DDX60: variants seen among roughly 807,000 people sequenced by gnomAD.
DDX60 encodes the protein probable ATP-dependent RNA helicase DDX60.
Under a neutral mutation model 212.8 loss-of-function variants are expected in DDX60, and 165 were observed. The ratio of observed to expected loss-of-function variants is 0.78; its 90% CI spans 0.68 to 0.88. The LOEUF is 0.88. DDX60 is among the 40% of genes least tolerant of loss of function. The pLI is 0.00. For synonymous variants in DDX60, 703 were observed against 685.3 expected (o/e 1.03, Z -0.40); for missense variants, 1,905 against 2,003.9 (o/e 0.95, Z 0.94).
chr4:168,283,138 ACT>A (rs1053127230), intron 13 of DDX60, among the ~76,000 whole-genome samples: 46 of 152,286 alleles, frequency 3.0e-4, no homozygotes, highest in African/African-American at 1.1e-3. Context: ...AAAGATTTTC[ACT>A]GTCATTAATG....
intron 30 of DDX60, among the ~76,000 whole-genome samples, chr4:168,243,503 A>T (rs1733920119): frequency 6.6e-6 from 1 of 152,214 alleles, no homozygotes; most frequent in South Asian, 2.1e-4. Context: ...ATATGAAAAA[A>T]ACTCAACATC....
At chr4:168,242,640 C>T (rs1423109209) in intron 30 of DDX60, among the ~76,000 whole-genome samples, 1 of 152,124 alleles carries the variant, frequency 6.6e-6, no homozygotes, top group African/African-American at 2.4e-5. Flanking sequence ...ATGCCTGTAC[C>T]CCCACTATAT....
chr4:168,274,153 A>G (rs1735226289), intron 16 of DDX60, 70 bp from the exon 17 acceptor site: 2 of 1,576,802 alleles, frequency 1.3e-6, no homozygotes, highest in African/African-American at 2.7e-5. Flanking sequence ...GACAGTATTT[A>G]TAGACTTCCA....
chr4:168,300,521 C>A (rs1442983745), intron 6 of DDX60, among the ~76,000 whole-genome samples: 1 of 150,592 alleles, frequency 6.6e-6, no homozygotes, highest in Non-Finnish European at 1.5e-5. Context: ...ACCTGGGGGA[C>A]GAATTGAGAC....
intron 33 of DDX60, 84 bp from the exon 34 acceptor site, chr4:168,225,760 A>G: frequency 8.0e-7 from 1 of 1,256,052 alleles, no homozygotes; most frequent in Non-Finnish European, 1.1e-6. Context: ...GGTAAAGAAC[A>G]TTGCAATATA....
At chr4:168,255,957 T>C in intron 25 of DDX60, 88 bp from the exon 26 acceptor site, 2 of 1,371,180 alleles carry the variant, frequency 1.5e-6, no homozygotes, top group Non-Finnish European at 1.9e-6. Flanking sequence ...CATCCCGACA[T>C]CTGCCTGTTG....
chr4:168,303,302 CAA>C (rs35768208), intron 5 of DDX60, among the ~76,000 whole-genome samples: 12 of 99,668 alleles, frequency 1.2e-4, no homozygotes, highest in Admixed American at 3.4e-4. Flanking sequence ...ACTCTGTCTC[CAA>C]AAAAAAAAAA....
At chr4:168,244,927 T>A (rs1312084727) in intron 30 of DDX60, among the ~76,000 whole-genome samples, 1 of 152,002 alleles carries the variant, frequency 6.6e-6, no homozygotes, top group African/African-American at 2.4e-5. Flanking sequence ...AATTTAAAAA[T>A]TATAACTTTT....
At chr4:168,224,421 A>G in intron 34 of DDX60, 36 bp from the exon 35 acceptor site, 2 of 1,598,826 alleles carry the variant, frequency 1.3e-6, no homozygotes, top group Non-Finnish European at 1.7e-6. Context: ...TAGTGTTTTG[A>G]ACTCAGTCAA....
intron 29 of DDX60, among the ~76,000 whole-genome samples, chr4:168,247,743 G>T (rs1734071217): frequency 6.6e-6 from 1 of 152,214 alleles, no homozygotes; most frequent in African/African-American, 2.4e-5. Context: ...GGACAGTAAT[G>T]AAGTGGGCTT....
At chr4:168,226,535 T>C (rs1330426230) in intron 33 of DDX60, among the ~76,000 whole-genome samples, 1 of 152,108 alleles carries the variant, frequency 6.6e-6, no homozygotes, top group Admixed American at 6.6e-5. Flanking sequence ...TTTTTTATTT[T>C]TGTGGGTCCA....
At chr4:168,273,224 C>A (rs1735178069) in intron 18 of DDX60, 55 bp downstream of exon 18, 1 of 1,501,812 alleles carries the variant, frequency 6.7e-7, no homozygotes, top group Non-Finnish European at 9.0e-7. Flanking sequence ...GTCAAAGAGA[C>A]ATACAAGTAC....
intron 10 of DDX60, among the ~76,000 whole-genome samples, 162 bp downstream of exon 10, chr4:168,286,886 G>T (rs966437011): frequency 6.6e-6 from 1 of 151,946 alleles, no homozygotes; most frequent in African/African-American, 2.4e-5. Context: ...TATAGTCACA[G>T]CATACCACTC....
At chr4:168,261,237 A>G (rs1011566874) in intron 24 of DDX60, among the ~76,000 whole-genome samples, 7 of 152,206 alleles carry the variant, frequency 4.6e-5, no homozygotes, top group Admixed American at 2.0e-4. Context: ...TTTTTAAGAC[A>G]ATACAAATCA....
chr4:168,319,995 G>A (rs1330904453), upstream of DDX60, among the ~76,000 whole-genome samples: 5 of 152,140 alleles, frequency 3.3e-5, no homozygotes, highest in South Asian at 2.1e-4. Context: ...AGAAATTCAC[G>A]TGTTTGTTAG....
Position 168,221,837 on chromosome 4 carries a change from C to A in DDX60, c.4869G>T (p.Val1623=), listed in dbSNP as rs1310063989. 1 of 1,613,098 alleles carries A rather than the reference C, an allele frequency of 6.2e-7. No homozygotes were observed. The highest frequency in any genetic ancestry group is 1.7e-5 in the Admixed American group (1 of 59,930). ...GGTTATCAAATTTCTGTGACAACAG[C>A]ACTGGAGCCTGAGAGCGATTGACAC... is the stretch of plus-strand genomic sequence containing the variant. The part of the protein sequence containing the change: ...TIGVNRSQAP[V]LLSQKFDNRG... The change falls in exon 36 of 38, where the codon GTG becomes GTT. Residue 1623 remains valine (V), a synonymous_variant. Transcript: ENST00000393743.
chr4:168,217,824 A>G (rs1278866843), intron 37 of DDX60, among the ~76,000 whole-genome samples: 1 of 152,082 alleles, frequency 6.6e-6, no homozygotes, highest in Non-Finnish European at 1.5e-5. Context: ...ATAAAAGTAG[A>G]TTGTCCCTTA....
chr4:168,237,529 A>G (rs1733672252), intron 31 of DDX60, 102 bp from the exon 32 acceptor site: 3 of 1,257,428 alleles, frequency 2.4e-6, no homozygotes, highest in African/African-American at 1.5e-5. Context: ...AATATAAGAA[A>G]TATTTATAAC....
rs377076943 is a variant in DDX60, at chr4:168,306,710, T to C, written c.275A>G (p.Tyr92Cys). 6.8e-6 allele frequency: 11 copies of C among 1,610,642 alleles called. No homozygotes were observed. In the South Asian group the frequency reaches 1.1e-4, roughly 16 times the overall value. Residue 92 changes from tyrosine (Y) to cysteine (C), a missense_variant, in exon 5 of 38, where the codon TAT becomes TGT. Physicochemically the swap from Tyr to Cys is radical, Grantham distance 194 (BLOSUM62 -2). Coordinates refer to ENST00000393743, the MANE Select transcript of DDX60 (RefSeq NM_017631.6). ...FTIVFFKDAE[Y>C]AYFNFPELLS... ...AAGTTCAGGGAAGTTGAAATACGCATACTCGGCATCCTGTGGAGGAGGAGG... is the reference window on the plus strand; with the variant it reads ...AAGTTCAGGGAAGTTGAAATACGCACACTCGGCATCCTGTGGAGGAGGAGG...
Sources: allele counts gnomAD v4.1 joint callset (sites outside exome capture counted in the v4.1 genomes callset), GRCh38; gene constraint gnomAD v4.1.1; transcripts MANE v1.5; gene names NCBI Gene and HGNC (gene_info 2026-07-23, HGNC 2026-07-21).